The following FAM135B variants were observed in gnomAD, a reference collection of about 807,000 sequenced individuals.
FAM135B encodes the protein protein FAM135B.
In FAM135B, 43 loss-of-function variants were observed where a neutral mutation model predicts 127.7. The ratio of observed to expected loss-of-function variants is 0.34; its 90% CI spans 0.26 to 0.43. The LOEUF (loss-of-function observed/expected upper bound fraction) is 0.43. Among genes scored for constraint, FAM135B ranks in the 20% least tolerant of loss-of-function variants. FAM135B has a pLI of 1.00. For synonymous variants in FAM135B, 670 were observed against 665.1 expected, an observed-to-expected ratio of 1.01 and a Z score of -0.11; for missense variants, 1,558 against 1,725.6, an observed-to-expected ratio of 0.90 and a Z score of 1.72.
intron 12 of FAM135B, among the ~76,000 whole-genome samples, chr8:138,165,051 G>T (rs1182601885): frequency 6.6e-6 from 1 of 152,152 alleles, no homozygotes; most frequent in Non-Finnish European, 1.5e-5. Flanking sequence ...GAAAGACTGA[G>T]GTTGATTTTC....
intron 2 of FAM135B, among the ~76,000 whole-genome samples, chr8:138,362,226 T>A (rs1160209758): frequency 2.0e-5 from 3 of 151,922 alleles, no homozygotes; most frequent in Non-Finnish European, 2.9e-5. Context: ...TCTTTCTAAT[T>A]TCTTTTATAC....
At chr8:138,408,947 T>C (rs535126199) in intron 1 of FAM135B, among the ~76,000 whole-genome samples, 12 of 152,174 alleles carry the variant, frequency 7.9e-5, no homozygotes, top group Non-Finnish European at 1.6e-4. Flanking sequence ...CTTTCTCCAT[T>C]TCAGCGATTA....
intron 2 of FAM135B, among the ~76,000 whole-genome samples, chr8:138,362,571 G>T (rs916679041): frequency 6.6e-6 from 1 of 152,164 alleles, no homozygotes; most frequent in African/African-American, 2.4e-5. Flanking sequence ...TCATTTGTCA[G>T]CTGTGTGTAC....
intron 3 of FAM135B, among the ~76,000 whole-genome samples, chr8:138,306,689 TCTC>T (rs1826289412): frequency 6.6e-6 from 1 of 151,456 alleles, no homozygotes; most frequent in Non-Finnish European, 1.5e-5. Context: ...TTCAAGCAAT[TCTC>T]CTGTCTCAGT....
chr8:138,138,590 C>T (rs751351890), intron 18 of FAM135B, among the ~76,000 whole-genome samples: 6 of 152,230 alleles, frequency 3.9e-5, no homozygotes, highest in Non-Finnish European at 5.9e-5. Flanking sequence ...CAATGACCCC[C>T]GTCTCCCACT....
chr8:138,268,702 A>T (rs1049157519), intron 3 of FAM135B, among the ~76,000 whole-genome samples: 35 of 152,170 alleles, frequency 2.3e-4, no homozygotes, highest in African/African-American at 8.4e-4. Context: ...AGACAGCAAA[A>T]GTACATACTC....
chr8:138,452,124 CTTTTT>C (rs1158033996), intron 1 of FAM135B, among the ~76,000 whole-genome samples: 4 of 104,184 alleles, frequency 3.8e-5, no homozygotes, highest in African/African-American at 1.5e-4. Context: ...ACCCAATCTG[CTTTTT>C]TTTTTTTTTT....
chr8:138,394,941 C>T (rs1333949975), intron 1 of FAM135B, among the ~76,000 whole-genome samples: 1 of 152,186 alleles, frequency 6.6e-6, no homozygotes, highest in African/African-American at 2.4e-5. Context: ...GGGGAACACA[C>T]AGCCATCAGA....
At chr8:138,330,996 C>T (rs939570617) in intron 2 of FAM135B, among the ~76,000 whole-genome samples, 1 of 152,110 alleles carries the variant, frequency 6.6e-6, no homozygotes, top group Non-Finnish European at 1.5e-5. Context: ...GCATGCACCA[C>T]CGCACCCAGC....
At chr8:138,206,783 ACCT>A (rs1817704602) in intron 7 of FAM135B, among the ~76,000 whole-genome samples, 1 of 123,132 alleles carries the variant, frequency 8.1e-6, no homozygotes, top group Non-Finnish European at 1.7e-5. Flanking sequence ...CATCCCCTCC[ACCT>A]ACACACAACT....
At chr8:138,409,280 G>A (rs150020662) in intron 1 of FAM135B, among the ~76,000 whole-genome samples, 3 of 152,258 alleles carry the variant, frequency 2.0e-5, no homozygotes, top group African/African-American at 7.2e-5. Flanking sequence ...GGGCCGGTAG[G>A]TGGAGCAGTC....
chr8:138,229,829 G>A (rs13276407), intron 7 of FAM135B, among the ~76,000 whole-genome samples: 31,639 of 152,022 alleles, frequency 0.21, 3,558 homozygotes, highest in Non-Finnish European at 0.23. Context: ...CTGAGAGAAC[G>A]GGGAAGACCC....
At chr8:138,194,314 G>A (rs373379148) in intron 9 of FAM135B, among the ~76,000 whole-genome samples, 5 of 152,110 alleles carry the variant, frequency 3.3e-5, no homozygotes, top group African/African-American at 9.7e-5. Flanking sequence ...CTCTGCCTCC[G>A]CATTCCGCCC....
chr8:138,390,801 T>C (rs1832524129), intron 1 of FAM135B, among the ~76,000 whole-genome samples: 1 of 152,076 alleles, frequency 6.6e-6, no homozygotes, highest in Non-Finnish European at 1.5e-5. Flanking sequence ...CCTTTTCCAT[T>C]TTGTCTCCTT....
chr8:138,144,569 G>A (rs1817499301), intron 15 of FAM135B, among the ~76,000 whole-genome samples: 1 of 152,274 alleles, frequency 6.6e-6, no homozygotes, highest in South Asian at 2.1e-4. Flanking sequence ...ACCATGATGA[G>A]CTATGCTTTG....
chr8:138,333,936 G>A (rs1018177383), intron 2 of FAM135B, among the ~76,000 whole-genome samples: 1 of 152,010 alleles, frequency 6.6e-6, no homozygotes, highest in Non-Finnish European at 1.5e-5. Flanking sequence ...TGAGGGGAGG[G>A]GGGAACGGAG....
At chr8:138,473,810 T>C (rs924192746) in intron 1 of FAM135B, among the ~76,000 whole-genome samples, 4 of 151,238 alleles carry the variant, frequency 2.6e-5, no homozygotes, top group Admixed American at 2.0e-4. Context: ...GTTAAATTTT[T>C]TATCCACTCA....
At chr8:138,483,230 A>C (rs1814856887) in intron 1 of FAM135B, among the ~76,000 whole-genome samples, 1 of 152,220 alleles carries the variant, frequency 6.6e-6, no homozygotes, top group African/African-American at 2.4e-5. Context: ...AATCCTAACA[A>C]AAATTTGAAG....
At chr8:138,185,005 G>A (rs550170424) in intron 9 of FAM135B, among the ~76,000 whole-genome samples, 21 of 152,204 alleles carry the variant, frequency 1.4e-4, no homozygotes, top group Non-Finnish European at 2.6e-4. Flanking sequence ...TGAGCTTGGT[G>A]TTCTGGGCTG....
Sources: allele counts gnomAD v4.1 joint callset (sites outside exome capture counted in the v4.1 genomes callset), GRCh38; gene constraint gnomAD v4.1.1; transcripts MANE v1.5; gene names NCBI Gene and HGNC (gene_info 2026-07-23, HGNC 2026-07-21).